Variants in STAG2 observed in about 807,000 individuals in gnomAD.
The protein encoded by STAG2 is STAG2 cohesin complex component.
STAG2 carries 14 observed loss-of-function variants against 108.1 expected under a neutral mutation model. That is an observed-to-expected ratio of 0.13 (90% CI 0.09 to 0.20). The LOEUF (loss-of-function observed/expected upper bound fraction) is 0.20. Among genes scored for constraint, STAG2 ranks in the 10% least tolerant of loss-of-function variants. The probability of loss-of-function intolerance (pLI) is 1.00; values close to 1 mark genes in which losing one functional copy is unlikely to be tolerated. For synonymous variants in STAG2, 307 were observed against 302.7 expected, an observed-to-expected ratio of 1.01 and a Z score of -0.15; for missense variants, 440 against 940.9, an observed-to-expected ratio of 0.47 and a Z score of 6.96.
At position 124,093,355 on chromosome X, in the gene STAG2, A is replaced by C. The variant is rs923402761; in HGVS notation, c.3579-663A>C. Among the ~76,000 whole-genome samples, 13 of 110,468 alleles carry C rather than the reference A, an allele frequency of 1.2e-4. No individual in the cohort carries two copies. In the Admixed American group the frequency reaches 1.3e-3, roughly 11 times the overall value. On this transcript the variant is annotated intron_variant, in intron 32 of 34. Coordinates refer to ENST00000371145, the MANE Select transcript of STAG2 (RefSeq NM_001042750.2). ...TTTTAGTATGTCCTTATAACACTTG[A>C]TGCATAGTTTTCTTGTAATATTTAT...
chrX:124,020,162 C>T (rs1051323956), intron 1 of STAG2, among the ~76,000 whole-genome samples: 12 of 112,256 alleles, frequency 1.1e-4, no homozygotes, highest in African/African-American at 3.2e-4. Flanking sequence ...TCCAGTATAT[C>T]GCACAATATT....
At chrX:124,077,423 A>T (rs1247222292) in intron 26 of STAG2, among the ~76,000 whole-genome samples, 1 of 111,554 alleles carries the variant, frequency 9.0e-6, no homozygotes, top group Non-Finnish European at 1.9e-5. Flanking sequence ...AAAAAATTTC[A>T]TGTGCAATGT....
Position 124,045,322 on chromosome X carries a change from G to A in STAG2, c.621G>A (p.Leu207=), listed in dbSNP as rs763360588. The A allele has an allele frequency of 6.6e-6, 8 of 1,210,441 alleles. No homozygotes were observed. The highest frequency in any genetic ancestry group is 8.9e-6 in the Non-Finnish European group (8 of 895,003). The change falls in exon 8 of 35, where the codon TTG becomes TTA. Residue 207 remains leucine, a synonymous_variant. Coordinates refer to ENST00000371145, the MANE Select transcript of STAG2 (RefSeq NM_001042750.2). ...MDTVISLLTG[L]SDSQVRAFRH... is the part of the protein sequence containing the mutation. ...CAGTCATTTCACTTCTTACAGGATTGTCTGACTCACAAGTCAGAGCATTTC... is the reference window on the plus strand; with the variant it reads ...CAGTCATTTCACTTCTTACAGGATTATCTGACTCACAAGTCAGAGCATTTC...
upstream of STAG2, chrX:123,960,643 A>AAAAT (rs2053806811): frequency 9.8e-6 from 1 of 101,535 alleles, no homozygotes; most frequent in Non-Finnish European, 2.0e-5. Flanking sequence ...AAAAAAAAAA[A>AAAAT]GAAAAAAAAC....
At position 124,068,653 on chromosome X, in the gene STAG2, A is replaced by G; in HGVS notation, c.2355A>G (p.Glu785=). ...YLTNVNTTVK[E]QAFTILCDIL... is the part of the protein sequence containing the mutation. ...CCAACGTGAATACTACTGTTAAGGA[A>G]CAGGTTAGTAATTACTATAGATGGT... is the stretch of plus-strand genomic sequence containing the variant. Residue 785 remains glutamate (E), a synonymous_variant, in exon 24 of 35, where the codon GAA becomes GAG. Coordinates refer to ENST00000371145, the MANE Select transcript of STAG2 (RefSeq NM_001042750.2). 1 of 1,146,630 alleles carries G rather than the reference A, an allele frequency of 8.7e-7. No individual in the cohort carries two copies. Among genetic ancestry groups the G allele is most frequent in the South Asian group, 2.0e-5 (1 of 50,780 alleles). The allele number at this position is 1,146,630 out of a possible 1,213,427, so 94.5% of individuals were successfully genotyped here. A position where few individuals can be genotyped will look rare whatever the true frequency, so the allele number is the denominator to read the frequency against.
Position 124,013,324 on chromosome X carries a change from A to C in STAG2, c.-162-8043A>C, listed in dbSNP as rs779686798. Among the ~76,000 whole-genome samples the C allele has an allele frequency of 1.0e-3, 105 of 103,647 alleles. 1 individual carries two copies. Among genetic ancestry groups the C allele is most frequent in the African/African-American group, 3.1e-3 (89 of 28,462 alleles). The allele number at this position is 103,647 out of a possible 115,157, so 90.0% of individuals were successfully genotyped here. On this transcript the variant is annotated intron_variant, in intron 1 of 34. Coordinates refer to ENST00000371145, the MANE Select transcript of STAG2 (RefSeq NM_001042750.2). Reference sequence around the variant, plus strand: ...ATACACATGCACACACACACACACAAACACACACACACACACACACACACG... The same window carrying C: ...ATACACATGCACACACACACACACACACACACACACACACACACACACACG...
At chrX:124,036,512 G>T (rs2057521933) in intron 5 of STAG2, among the ~76,000 whole-genome samples, 1 of 111,031 alleles carries the variant, frequency 9.0e-6, no homozygotes, top group Non-Finnish European at 1.9e-5. Context: ...AGCCTCCCGA[G>T]TAGCTGGGAT....
chrX:124,076,458 A>G lies in STAG2; in HGVS notation c.2660A>G (p.Lys887Arg). Residue 887 changes from lysine (K) to arginine (R), a missense_variant, in exon 26 of 35, where the codon AAA (lysine) becomes AGA (arginine). Coordinates refer to ENST00000371145, the MANE Select transcript of STAG2 (RefSeq NM_001042750.2). ...ATGAATACAGCTGCAGATATCTTCAAACAGTATATGAAGGTAAAGTTGAAA... is the reference window on the plus strand; with the variant it reads ...ATGAATACAGCTGCAGATATCTTCAGACAGTATATGAAGGTAAAGTTGAAA... ...VEMNTAADIF[K>R]QYMKYYNDYG... is the part of the protein sequence containing the mutation. The G allele has an allele frequency of 8.5e-7, 1 of 1,180,266 alleles. No individual in the cohort carries two copies. Among genetic ancestry groups the G allele is most frequent in the Non-Finnish European group, 1.1e-6 (1 of 881,053 alleles).
chrX:124,007,830 T>C (rs776262444), intron 1 of STAG2, among the ~76,000 whole-genome samples: 7 of 112,235 alleles, frequency 6.2e-5, no homozygotes, highest in African/African-American at 2.3e-4. Flanking sequence ...TTAATGCTGT[T>C]TTTTATGTTG....
intron 34 of STAG2, 120 bp downstream of exon 34, chrX:124,095,569 A>G (rs933864027): frequency 5.3e-5 from 28 of 526,634 alleles, no homozygotes; most frequent in Admixed American, 3.9e-4. Flanking sequence ...TGGATGTGAG[A>G]AAAAGAGGCA....
At chrX:124,092,158 T>G (rs2059265775) in intron 32 of STAG2, among the ~76,000 whole-genome samples, 1 of 111,592 alleles carries the variant, frequency 9.0e-6, no homozygotes, top group South Asian at 3.7e-4. Flanking sequence ...TACCTGTTTT[T>G]CTTACAAAAT....
At chrX:124,071,443 A>G (rs908467815) in intron 25 of STAG2, 120 bp downstream of exon 25, 9 of 539,382 alleles carry the variant, frequency 1.7e-5, no homozygotes, top group Middle Eastern at 5.3e-4. Flanking sequence ...AAACACAGGT[A>G]TATATTCCAG....
chrX:124,027,631 A>G (rs1424549326), intron 4 of STAG2, among the ~76,000 whole-genome samples: 2 of 111,660 alleles, frequency 1.8e-5, no homozygotes, highest in Non-Finnish European at 3.8e-5. Context: ...AATAATAGCA[A>G]CTGCATTTTG....
chrX:123,996,393 GA>G (rs898887103), intron 1 of STAG2, among the ~76,000 whole-genome samples: 4 of 111,907 alleles, frequency 3.6e-5, no homozygotes, highest in Admixed American at 9.5e-5. Flanking sequence ...AAAAAATTAA[GA>G]TATTTATATA....
chrX:123,992,082 T>C (rs2055511578), intron 1 of STAG2, among the ~76,000 whole-genome samples: 2 of 112,254 alleles, frequency 1.8e-5, no homozygotes, highest in African/African-American at 6.5e-5. Context: ...CCATTTTATA[T>C]AAGGGACTTG....
chrX:124,091,277 G>A (rs180854398), intron 32 of STAG2, among the ~76,000 whole-genome samples: 101 of 110,939 alleles, frequency 9.1e-4, no homozygotes, highest in Non-Finnish European at 4.5e-4. Context: ...CTTAGTTCAG[G>A]CCCTCATCTC....
intron 26 of STAG2, among the ~76,000 whole-genome samples, chrX:124,077,549 G>A (rs184545958): frequency 2.7e-5 from 3 of 111,602 alleles, no homozygotes; most frequent in African/African-American, 9.7e-5. Flanking sequence ...TAAACTGCTC[G>A]TGGCCTGTAT....
chrX:123,988,698 TTC>T (rs1463476305), intron 1 of STAG2, among the ~76,000 whole-genome samples: 2 of 112,026 alleles, frequency 1.8e-5, no homozygotes, highest in Non-Finnish European at 3.8e-5. Flanking sequence ...GTTTGATTTC[TTC>T]TCTTTTTCCA....
intron 1 of STAG2, among the ~76,000 whole-genome samples, chrX:123,962,609 T>C (rs918527664): frequency 2.7e-5 from 3 of 111,416 alleles, no homozygotes; most frequent in Non-Finnish European, 5.7e-5. Flanking sequence ...CCCTCTTCCC[T>C]CTCCCTCCTT....
Sources: gnomAD v4.1 joint callset for allele counts (sites outside exome capture counted in the v4.1 genomes callset) on GRCh38, gnomAD v4.1.1 for gene constraint, MANE v1.5 for transcripts, NCBI Gene and HGNC (gene_info 2026-07-23, HGNC 2026-07-21) for gene names.